NLGN1: variants seen among roughly 807,000 people sequenced by gnomAD.
The protein encoded by NLGN1 is neuroligin-1.
NLGN1 carries 12 observed loss-of-function variants against 65.5 expected under a neutral mutation model. That is an observed-to-expected ratio of 0.18 (90% CI 0.12 to 0.30). NLGN1 has a LOEUF of 0.30. NLGN1 is among the 10% of genes least tolerant of loss of function. NLGN1 has a pLI of 1.00. For missense variants in NLGN1, 750 were observed against 1,007.1 expected, an observed-to-expected ratio of 0.74 and a Z score of 3.46; for synonymous variants, 350 against 359.5, an observed-to-expected ratio of 0.97 and a Z score of 0.30.
Position 173,633,870 on chromosome 3 carries a change from T to C in NLGN1, c.493+28779T>C, listed in dbSNP as rs147874780. Among the ~76,000 whole-genome samples, 1,433 of 152,282 alleles carry C rather than the reference T, an allele frequency of 9.4e-3. 17 individuals are homozygous for C. The highest frequency in any genetic ancestry group is 0.013 in the Non-Finnish European group (885 of 68,012). Reference sequence around the variant, plus strand: ...AACTGGATCTTTTTTTCCATAACCCTTTCTGATCCCCATAGCTTGTTAAAC... The same window carrying C: ...AACTGGATCTTTTTTTCCATAACCCCTTCTGATCCCCATAGCTTGTTAAAC... On this transcript the variant is annotated intron_variant, in intron 3 of 6. Coordinates refer to ENST00000457714, the Ensembl canonical transcript of NLGN1.
intron 4 of NLGN1, among the ~76,000 whole-genome samples, chr3:174,026,724 T>C (rs552024137): frequency 6.6e-6 from 1 of 152,162 alleles, no homozygotes; most frequent in African/African-American, 2.4e-5. Context: ...CTATGTCCCA[T>C]GCACTATTAG....
At chr3:174,067,795 T>C (rs1738959726) in intron 4 of NLGN1, among the ~76,000 whole-genome samples, 1 of 152,106 alleles carries the variant, frequency 6.6e-6, no homozygotes. Flanking sequence ...TTGAAGAAAA[T>C]ACTTTGGGGC....
intron 4 of NLGN1, among the ~76,000 whole-genome samples, chr3:173,976,600 T>G (rs947145093): frequency 6.6e-6 from 1 of 152,082 alleles, no homozygotes; most frequent in African/African-American, 2.4e-5. Flanking sequence ...TTTTGCTGAT[T>G]AACTACCATG....
chr3:173,534,756 A>T (rs1335902601), intron 2 of NLGN1, among the ~76,000 whole-genome samples: 1 of 152,226 alleles, frequency 6.6e-6, no homozygotes, highest in East Asian at 1.9e-4. Context: ...TGGCAGAGCC[A>T]GGATTCAAAT....
intron 4 of NLGN1, among the ~76,000 whole-genome samples, chr3:174,170,554 G>C (rs1055426900): frequency 6.6e-6 from 1 of 152,170 alleles, no homozygotes; most frequent in Non-Finnish European, 1.5e-5. Flanking sequence ...GAAAAGATAT[G>C]GTTTTGAATG....
chr3:174,264,575 T>C (rs936396790), intron 4 of NLGN1, among the ~76,000 whole-genome samples: 2 of 148,696 alleles, frequency 1.3e-5, no homozygotes, highest in South Asian at 2.1e-4. Context: ...ATTCTAGTTA[T>C]ACATTCTTCT....
intron 2 of NLGN1, among the ~76,000 whole-genome samples, chr3:173,540,650 G>T (rs1738704624): frequency 6.6e-6 from 1 of 152,146 alleles, no homozygotes; most frequent in Admixed American, 6.6e-5. Context: ...CATGTTCTCA[G>T]GGGTCAGAGA....
chr3:173,782,222 G>T (rs1017889332), intron 3 of NLGN1, among the ~76,000 whole-genome samples: 1 of 152,084 alleles, frequency 6.6e-6, no homozygotes, highest in African/African-American at 2.4e-5. Context: ...AAAGAGCTAA[G>T]CAGGGAAAGT....
intron 3 of NLGN1, among the ~76,000 whole-genome samples, chr3:173,774,233 G>C (rs1328851404): frequency 1.3e-5 from 2 of 152,320 alleles, no homozygotes; most frequent in Non-Finnish European, 2.9e-5. Flanking sequence ...GCTACTGAGA[G>C]AGCCAGAGCA....
At chr3:174,111,091 CA>C (rs2152617709) in intron 4 of NLGN1, among the ~76,000 whole-genome samples, 1 of 151,870 alleles carries the variant, frequency 6.6e-6, no homozygotes, top group Admixed American at 6.6e-5. Flanking sequence ...TATTTTAATC[CA>C]AAAAAGGTAT....
chr3:173,431,169 C>G (rs2148742667), intron 1 of NLGN1, among the ~76,000 whole-genome samples: 1 of 152,254 alleles, frequency 6.6e-6, no homozygotes, highest in Admixed American at 6.5e-5. Context: ...AACACATGAA[C>G]TTTTAGCATA....
intron 3 of NLGN1, among the ~76,000 whole-genome samples, chr3:173,714,739 A>G (rs1376044323): frequency 6.6e-6 from 1 of 152,166 alleles, no homozygotes; most frequent in Non-Finnish European, 1.5e-5. Context: ...GCAGGTGCCC[A>G]GAATGTTTTG....
intron 3 of NLGN1, among the ~76,000 whole-genome samples, chr3:173,653,110 A>T (rs539824776): frequency 2.0e-5 from 3 of 152,236 alleles, no homozygotes; most frequent in Admixed American, 6.5e-5. Context: ...ACTTCACTGA[A>T]TTTATTTATC....
chr3:174,080,386 GCA>G (rs569019764), intron 4 of NLGN1, among the ~76,000 whole-genome samples: 56 of 152,274 alleles, frequency 3.7e-4, no homozygotes, highest in Non-Finnish European at 7.5e-4. Context: ...ACATTTTAGA[GCA>G]GGAATGAAAG....
intron 4 of NLGN1, among the ~76,000 whole-genome samples, chr3:174,064,102 AT>A (rs201547134): frequency 0.021 from 3,170 of 152,152 alleles, 46 homozygotes; most frequent in African/African-American, 0.03. Context: ...AGATTGTGCC[AT>A]TGCTCTCCAG....
intron 4 of NLGN1, among the ~76,000 whole-genome samples, chr3:174,182,649 T>A (rs566845687): frequency 6.6e-6 from 1 of 152,288 alleles, no homozygotes; most frequent in African/African-American, 2.4e-5. Context: ...ATCCATTAAA[T>A]ACCATATGAC....
At chr3:173,734,577 A>AT (rs1773438928) in intron 3 of NLGN1, among the ~76,000 whole-genome samples, 1 of 150,238 alleles carries the variant, frequency 6.7e-6, no homozygotes, top group African/African-American at 2.4e-5. Context: ...TTTATTTTTT[A>AT]TTTTTTGTAG....
intron 4 of NLGN1, among the ~76,000 whole-genome samples, chr3:174,230,733 G>A (rs1740551109): frequency 6.6e-6 from 1 of 151,942 alleles, no homozygotes; most frequent in South Asian, 2.1e-4. Flanking sequence ...AGGAGTCTGA[G>A]GCCAGCCTGA....
intron 3 of NLGN1, among the ~76,000 whole-genome samples, chr3:173,709,338 TG>T (rs2149932020): frequency 1.3e-5 from 2 of 152,338 alleles, no homozygotes; most frequent in East Asian, 3.9e-4. Context: ...TTACCCATTA[TG>T]TGCTCAGTCC....
Sources: allele counts gnomAD v4.1 joint callset (sites outside exome capture counted in the v4.1 genomes callset), GRCh38; gene constraint gnomAD v4.1.1; transcripts MANE v1.5; gene names NCBI Gene and HGNC (gene_info 2026-07-23, HGNC 2026-07-21).